The following TCTN1 variants were observed in gnomAD, a reference collection of about 807,000 sequenced individuals.
The protein encoded by TCTN1 is tectonic family member 1.
A neutral mutation model predicts 65.8 loss-of-function variants in TCTN1; 58 were observed. That is an observed-to-expected ratio of 0.88 (90% CI 0.71 to 1.10). The LOEUF (loss-of-function observed/expected upper bound fraction) is 1.10. TCTN1 is among the 50% of genes least tolerant of loss of function. The pLI, the probability that TCTN1 is intolerant of heterozygous loss-of-function variation, is 0.00. For synonymous variants in TCTN1, 273 were observed against 289.1 expected (o/e 0.94, Z 0.57); for missense variants, 645 against 719.4 (o/e 0.90, Z 1.18).
At position 110,628,909 on chromosome 12, in the gene TCTN1, T is replaced by C; in HGVS notation, c.615T>C (p.Ala205=). 1 of 1,613,640 alleles carries C rather than the reference T, an allele frequency of 6.2e-7. No homozygotes were observed. The highest frequency in any genetic ancestry group is 8.5e-7 in the Non-Finnish European group (1 of 1,179,926). ...CCAAACTGGATATTCCTACTGCTGCTAAATATGAGGTGAGCCTGAACTTGA... is the reference window on the plus strand; with the variant it reads ...CCAAACTGGATATTCCTACTGCTGCCAAATATGAGGTGAGCCTGAACTTGA... ...FTTKLDIPTA[A]KYEYGVPLQT... Residue 205 remains alanine, a synonymous_variant, in exon 4 of 15, where the codon GCT becomes GCC. Coordinates refer to ENST00000397659, the MANE Select transcript of TCTN1 (RefSeq NM_001082538.3).
At chr12:110,645,255 C>A in intron 12 of TCTN1, 126 bp downstream of exon 12, 1 of 1,265,096 alleles carries the variant, frequency 7.9e-7, no homozygotes, top group Non-Finnish European at 1.1e-6. Flanking sequence ...CGGGCTGAAT[C>A]TTGGATACTG....
At chr12:110,647,054 A>G in intron 12 of TCTN1, 142 bp from the exon 13 acceptor site, 1 of 967,344 alleles carries the variant, frequency 1.0e-6, no homozygotes, top group Non-Finnish European at 1.6e-6. Flanking sequence ...ATATTCTCTA[A>G]GCTGTTTTTA....
chr12:110,632,108 A>G (rs1394514292), intron 4 of TCTN1, among the ~76,000 whole-genome samples: 1 of 152,322 alleles, frequency 6.6e-6, no homozygotes, highest in Non-Finnish European at 1.5e-5. Context: ...ATTTTAATGT[A>G]TACTGTATAT....
chr12:110,627,784 G>T, intron 3 of TCTN1: 1 of 518,830 alleles, frequency 1.9e-6, no homozygotes, highest in Non-Finnish European at 3.4e-6. Context: ...TCAAATATAT[G>T]TCTAGATCCA....
intron 2 of TCTN1, among the ~76,000 whole-genome samples, chr12:110,621,456 T>G (rs1339410800): frequency 1.3e-5 from 2 of 151,936 alleles, no homozygotes; most frequent in Non-Finnish European, 2.9e-5. Context: ...AAAGTGACAT[T>G]TTTGCTCCAA....
chr12:110,634,612 T>C, intron 5 of TCTN1, 58 bp from the exon 6 acceptor site: 5 of 1,437,912 alleles, frequency 3.5e-6, no homozygotes, highest in South Asian at 1.3e-5. Flanking sequence ...CATTGGAAAA[T>C]TGAAAAATTT....
intron 6 of TCTN1, 127 bp from the exon 7 acceptor site, chr12:110,636,354 T>A (rs1307787826): frequency 1.5e-6 from 1 of 664,552 alleles, no homozygotes; most frequent in Non-Finnish European, 2.7e-6. Flanking sequence ...TCAAGGAAAT[T>A]CTGTTTTCTT....
At position 110,641,712 on chromosome 12, in the gene TCTN1, C is replaced by T. The variant is rs561027902; in HGVS notation, c.1190+85C>T. On this transcript the variant is annotated intron_variant, in intron 10 of 14. Transcript: ENST00000397659. ...ACTGCTCTTTATCGCTGAGGCTCCCCTGGGCTGCTTGTGGGAAGGAGAGAG... is the reference window on the plus strand; with the variant it reads ...ACTGCTCTTTATCGCTGAGGCTCCCTTGGGCTGCTTGTGGGAAGGAGAGAG... 52 of 1,390,682 alleles carry T rather than the reference C, an allele frequency of 3.7e-5. No homozygotes were observed. The South Asian group carries it at 5.5e-4, about 15-fold the overall frequency. 86.1% of individuals were successfully genotyped at this position (1,390,682 alleles called of 1,614,324 possible).
chr12:110,628,347 T>C, intron 3 of TCTN1: 1 of 1,129,646 alleles, frequency 8.9e-7, no homozygotes. Context: ...TACACTTTTT[T>C]TTTTTTTTTT....
At position 110,619,877 on chromosome 12, in the gene TCTN1, G is replaced by A. The variant is rs765199264; in HGVS notation, c.262G>A (p.Asp88Asn). ...CTGTGACTTATCCCCAGCACAGTGT[G>A]ACATCAACTGCTGCTGTGATCCCGA... Reference protein sequence around the residue: ...CVCDLSPAQCDINCCCDPDCS... With the variant: ...CVCDLSPAQCNINCCCDPDCS... The change falls in exon 2 of 15, where the codon GAC becomes AAC. Residue 88 changes from aspartate to asparagine, a missense_variant. Transcript: ENST00000397659. 17 of 1,614,142 alleles carry A rather than the reference G, an allele frequency of 1.1e-5. No individual in the cohort carries two copies. The highest frequency in any genetic ancestry group is 1.7e-5 in the Admixed American group (1 of 59,998).
intron 12 of TCTN1, chr12:110,646,320 A>G (rs930113754): frequency 1.3e-5 from 2 of 152,140 alleles, no homozygotes; most frequent in African/African-American, 4.8e-5. Context: ...AAGGAATTCC[A>G]TCAGTGCTTT....
At chr12:110,618,624 C>T (rs748552717) in intron 1 of TCTN1, among the ~76,000 whole-genome samples, 45 of 152,132 alleles carry the variant, frequency 3.0e-4, no homozygotes, top group Non-Finnish European at 5.9e-4. Context: ...ATCTGCCCGC[C>T]TCCCAAAGTG....
intron 1 of TCTN1, among the ~76,000 whole-genome samples, chr12:110,617,496 T>G (rs2065124615): frequency 6.6e-6 from 1 of 150,510 alleles, no homozygotes; most frequent in Admixed American, 6.6e-5. Flanking sequence ...GCTAATTTTT[T>G]TGGTATTTTT....
At chr12:110,648,270 CTTA>C (rs751044253) in intron 14 of TCTN1, among the ~76,000 whole-genome samples, 26 of 152,212 alleles carry the variant, frequency 1.7e-4, no homozygotes, top group Non-Finnish European at 3.4e-4. Flanking sequence ...CATGCCTAGC[CTTA>C]TTATACTTCT....
At chr12:110,646,034 A>G (rs1397184044) in intron 12 of TCTN1, 1 of 152,162 alleles carries the variant, frequency 6.6e-6, no homozygotes, top group Non-Finnish European at 1.5e-5. Flanking sequence ...ATGGGTGAAG[A>G]TGTGCAGTTA....
intron 12 of TCTN1, 26 bp downstream of exon 12, chr12:110,645,155 A>ATG: frequency 6.2e-7 from 1 of 1,612,766 alleles, no homozygotes. Context: ...TACAGGTTCC[A>ATG]TGCTAGTGGT....
chr12:110,620,448 A>G (rs1269051287), intron 2 of TCTN1, among the ~76,000 whole-genome samples: 1 of 152,164 alleles, frequency 6.6e-6, no homozygotes, highest in African/African-American at 2.4e-5. Context: ...GCATTCAGCC[A>G]GGTGACTGTG....
At chr12:110,631,566 G>A (rs1022445889) in intron 4 of TCTN1, among the ~76,000 whole-genome samples, 5 of 151,992 alleles carry the variant, frequency 3.3e-5, no homozygotes, top group Non-Finnish European at 7.4e-5. Flanking sequence ...CCCAGGAAGC[G>A]GAGGTTGCAG....
At chr12:110,634,868 C>T in intron 6 of TCTN1, 89 bp downstream of exon 6, 1 of 991,438 alleles carries the variant, frequency 1.0e-6, no homozygotes, top group South Asian at 1.4e-5. Context: ...AGAATAATTT[C>T]AGTACATGAT....
Sources: allele counts gnomAD v4.1 joint callset (sites outside exome capture counted in the v4.1 genomes callset), GRCh38; gene constraint gnomAD v4.1.1; transcripts MANE v1.5; gene names NCBI Gene and HGNC (gene_info 2026-07-23, HGNC 2026-07-21).